The following GMDS variants were observed in gnomAD, a reference collection of about 807,000 sequenced individuals.
GMDS encodes GDP-mannose 4,6 dehydratase.
In GMDS, 20 loss-of-function variants were observed where a neutral mutation model predicts 49.9. The observed-to-expected ratio is 0.40, with a 90% CI of 0.28 to 0.58. The LOEUF (loss-of-function observed/expected upper bound fraction) is 0.58, where lower values mean the gene tolerates loss of function less well. Among genes scored for constraint, GMDS ranks in the 20% least tolerant of loss-of-function variants. The probability of loss-of-function intolerance (pLI) is 0.42; values close to 1 mark genes in which losing one functional copy is unlikely to be tolerated. For synonymous variants in GMDS, 177 were observed against 178.6 expected (o/e 0.99, Z 0.07); for missense variants, 362 against 481.4 (o/e 0.75, Z 2.32).
At chr6:1,629,504 T>C (rs1762934904) in intron 9 of GMDS, among the ~76,000 whole-genome samples, 1 of 152,170 alleles carries the variant, frequency 6.6e-6, no homozygotes. Context: ...CAGTCAGCAC[T>C]GGCCCGAGGA....
chr6:2,116,622 T>C (rs1720662563), intron 3 of GMDS, among the ~76,000 whole-genome samples: 1 of 152,214 alleles, frequency 6.6e-6, no homozygotes, highest in Non-Finnish European at 1.5e-5. Flanking sequence ...AACTGCATCA[T>C]CTTCCTGATG....
At chr6:1,987,277 T>C (rs547968382) in intron 4 of GMDS, among the ~76,000 whole-genome samples, 2 of 56,132 alleles carry the variant, frequency 3.6e-5, no homozygotes, top group East Asian at 8.6e-4. Flanking sequence ...AAAACCTTTT[T>C]TCAACTTTTT....
At chr6:2,125,175 C>T (rs1020303721) in intron 1 of GMDS, among the ~76,000 whole-genome samples, 1 of 152,206 alleles carries the variant, frequency 6.6e-6, no homozygotes, top group African/African-American at 2.4e-5. Context: ...CAGTTGCTCA[C>T]ACCTATAATC....
chr6:1,627,992 T>C (rs1762893273), intron 9 of GMDS, among the ~76,000 whole-genome samples: 1 of 152,236 alleles, frequency 6.6e-6, no homozygotes, highest in Non-Finnish European at 1.5e-5. Flanking sequence ...AATGTCTCCG[T>C]CCACACAGCC....
chr6:2,060,183 A>T (rs1771060660), intron 4 of GMDS, among the ~76,000 whole-genome samples: 1 of 152,060 alleles, frequency 6.6e-6, no homozygotes, highest in Non-Finnish European at 1.5e-5. Context: ...CCAGCCTCCC[A>T]AGCAAGGCGA....
At chr6:2,164,468 G>A (rs1344212362) in intron 1 of GMDS, among the ~76,000 whole-genome samples, 1 of 152,136 alleles carries the variant, frequency 6.6e-6, no homozygotes, top group African/African-American at 2.4e-5. Context: ...AGCCACTACA[G>A]TTTCCTTAGA....
intron 4 of GMDS, among the ~76,000 whole-genome samples, chr6:2,008,088 T>G (rs1767311240): frequency 6.6e-6 from 1 of 152,202 alleles, no homozygotes; most frequent in Admixed American, 6.5e-5. Flanking sequence ...ATTTCCAAAA[T>G]ACTTCTAAAA....
intron 7 of GMDS, among the ~76,000 whole-genome samples, chr6:1,840,654 C>G (rs1757115076): frequency 6.6e-6 from 1 of 152,168 alleles, no homozygotes. Flanking sequence ...TCTAAGAAAC[C>G]AAAGTGTGGG....
chr6:1,693,828 G>T (rs866885645), intron 9 of GMDS, among the ~76,000 whole-genome samples: 10 of 152,260 alleles, frequency 6.6e-5, no homozygotes, highest in South Asian at 4.1e-4. Flanking sequence ...TACTGAGCAC[G>T]TGCTATGTAC....
chr6:2,146,100 G>A (rs1035932992), intron 1 of GMDS, among the ~76,000 whole-genome samples: 2 of 152,138 alleles, frequency 1.3e-5, no homozygotes, highest in African/African-American at 2.4e-5. Context: ...AAACCACAGC[G>A]AAATAACGTT....
At chr6:1,663,622 C>T (rs1198282333) in intron 9 of GMDS, among the ~76,000 whole-genome samples, 2 of 152,158 alleles carry the variant, frequency 1.3e-5, no homozygotes, top group African/African-American at 4.8e-5. Context: ...CTGCTTGTGG[C>T]TACTGCCCTC....
chr6:2,159,370 C>T (rs951201213), intron 1 of GMDS, among the ~76,000 whole-genome samples: 10 of 152,002 alleles, frequency 6.6e-5, no homozygotes, highest in African/African-American at 2.2e-4. Context: ...TAGGCATGAG[C>T]CACCACATCC....
At chr6:1,982,785 A>G (rs1291988170) in intron 4 of GMDS, among the ~76,000 whole-genome samples, 3 of 152,244 alleles carry the variant, frequency 2.0e-5, no homozygotes, top group Admixed American at 2.0e-4. Flanking sequence ...CAATATCATG[A>G]AAATGGCCAC....
chr6:1,797,657 A>G (rs1486049902), intron 7 of GMDS, among the ~76,000 whole-genome samples: 1 of 152,260 alleles, frequency 6.6e-6, no homozygotes, highest in African/African-American at 2.4e-5. Context: ...CATTTTACAT[A>G]GAGAGAAACT....
At chr6:1,626,746 A>G (rs1762858464) in intron 9 of GMDS, among the ~76,000 whole-genome samples, 1 of 152,232 alleles carries the variant, frequency 6.6e-6, no homozygotes, top group Admixed American at 6.5e-5. Context: ...GCTTCAAATA[A>G]TCTTGGTAGG....
intron 4 of GMDS, among the ~76,000 whole-genome samples, chr6:1,985,710 CAT>C (rs1433432631): frequency 9.2e-5 from 14 of 152,202 alleles, no homozygotes; most frequent in African/African-American, 3.4e-4. Flanking sequence ...CTAGAAAACT[CAT>C]AGCAAGAACA....
At chr6:1,786,921 T>G (rs1220177317) in intron 7 of GMDS, among the ~76,000 whole-genome samples, 2 of 152,094 alleles carry the variant, frequency 1.3e-5, no homozygotes, top group African/African-American at 4.8e-5. Flanking sequence ...ACTGCAGGAT[T>G]GTGACCATGA....
chr6:1,855,090 A>G (rs769910382), intron 7 of GMDS, among the ~76,000 whole-genome samples: 2 of 152,216 alleles, frequency 1.3e-5, no homozygotes, highest in Non-Finnish European at 2.9e-5. Flanking sequence ...TTGTTTACCT[A>G]TGACAAATAG....
At chr6:2,178,479 G>A (rs1308836130) in intron 1 of GMDS, among the ~76,000 whole-genome samples, 1 of 146,824 alleles carries the variant, frequency 6.8e-6, no homozygotes, top group Non-Finnish European at 1.5e-5. Flanking sequence ...CCACCGGTAG[G>A]TGGTGCCATT....
Sources: allele counts gnomAD v4.1 joint callset (sites outside exome capture counted in the v4.1 genomes callset), GRCh38; gene constraint gnomAD v4.1.1; transcripts MANE v1.5; gene names NCBI Gene and HGNC (gene_info 2026-07-23, HGNC 2026-07-21).